The following PLCH1 variants were observed in gnomAD, a reference collection of about 807,000 sequenced individuals.
PLCH1 encodes the protein phospholipase C eta 1, also known as 1-phosphatidylinositol 4,5-bisphosphate phosphodiesterase eta-1.
A neutral mutation model predicts 126.7 loss-of-function variants in PLCH1; 60 were observed. The observed-to-expected ratio is 0.47, with a 90% CI of 0.38 to 0.59. PLCH1 has a LOEUF of 0.59. Ranked by LOEUF, PLCH1 falls within the 20% of genes least tolerant of loss-of-function variation. The probability of loss-of-function intolerance (pLI) is 0.00; values close to 1 mark genes in which losing one functional copy is unlikely to be tolerated. For missense variants in PLCH1, 1,723 were observed against 2,040.0 expected, an observed-to-expected ratio of 0.84 and a Z score of 2.99; for synonymous variants, 719 against 734.9, an observed-to-expected ratio of 0.98 and a Z score of 0.35.
chr3:155,613,741 G>A (rs770551170), intron 2 of PLCH1, among the ~76,000 whole-genome samples: 10 of 152,198 alleles, frequency 6.6e-5, no homozygotes, highest in South Asian at 6.2e-4. Flanking sequence ...AAACTGGAAC[G>A]AGACAAGGAT....
At chr3:155,557,148 A>C (rs1726925649) in intron 8 of PLCH1, among the ~76,000 whole-genome samples, 1 of 152,200 alleles carries the variant, frequency 6.6e-6, no homozygotes, top group Non-Finnish European at 1.5e-5. Context: ...ATATGTATCA[A>C]CAACATCTTC....
In PLCH1 at chr3:155,485,585, G is replaced by A. The variant is rs201399532; in HGVS notation, c.2745C>T (p.Ser915=). The A allele has an allele frequency of 3.4e-5, 55 of 1,613,826 alleles. No individual in the cohort carries two copies. The highest frequency in any genetic ancestry group is 1.3e-5 in the African/African-American group (1 of 75,022). Residue 915 remains serine, a synonymous_variant, in exon 22 of 23, where the codon AGC becomes AGT. Coordinates refer to ENST00000460012, the MANE Select transcript of PLCH1 (RefSeq NM_014996.4). The stretch of plus-strand genomic sequence containing the variant: ...TCTTTTTCCTGCCTTTGGCTGGGGC[G>A]CTAGCTGTGCGTCGCAGAATTCTAT... The part of the protein sequence containing the change: ...IGDRILRRTA[S]APAKGRKKSK...
intron 8 of PLCH1, among the ~76,000 whole-genome samples, chr3:155,555,500 A>G (rs2108474404): frequency 6.6e-6 from 1 of 152,348 alleles, no homozygotes; most frequent in Non-Finnish European, 1.5e-5. Context: ...AGGAACACCT[A>G]TTTTGAACTT....
intron 2 of PLCH1, among the ~76,000 whole-genome samples, chr3:155,652,516 C>A (rs1398370872): frequency 6.6e-6 from 1 of 152,110 alleles, no homozygotes; most frequent in East Asian, 1.9e-4. Context: ...TGAACACATT[C>A]GCATTTTATG....
At chr3:155,595,447 C>A (rs1732862446) in intron 3 of PLCH1, among the ~76,000 whole-genome samples, 1 of 152,200 alleles carries the variant, frequency 6.6e-6, no homozygotes, top group Non-Finnish European at 1.5e-5. Flanking sequence ...CCACATGACT[C>A]ACAGGGAAAT....
chr3:155,723,976 T>A (rs1018541518), intron 1 of PLCH1, among the ~76,000 whole-genome samples: 7 of 131,870 alleles, frequency 5.3e-5, no homozygotes, highest in Admixed American at 1.5e-4. Flanking sequence ...AAAAAAAAAA[T>A]TCCATCTTGA....
chr3:155,481,992 T>G lies in PLCH1; in HGVS notation c.4034A>C (p.Asn1345Thr). 3 of 1,614,148 alleles carry G rather than the reference T, an allele frequency of 1.9e-6. No homozygotes were observed. Among genetic ancestry groups the G allele is most frequent in the Non-Finnish European group, 2.5e-6 (3 of 1,180,012 alleles). ...TTCCACAAGGCTGCTCTCCCCAGAA[T>G]TGAAACAGAGAGTGGGATCAGCTAT... ...DVIADPTLCFNSGESSLVEID... is the reference protein window; with the variant it reads ...DVIADPTLCFTSGESSLVEID... Residue 1345 changes from asparagine (N) to threonine (T), a missense_variant, in exon 23 of 23, where the codon AAT becomes ACT. This residue lies in a region of PLCH1 where 947 missense variants were observed against 977.1 expected (regional missense o/e 0.97). Transcript: ENST00000460012. The surrounding 1 kb of genome is among the most constrained non-coding windows in gnomAD (Gnocchi z 4.2).
intron 15 of PLCH1, 53 bp from the exon 16 acceptor site, chr3:155,494,570 AC>A: frequency 7.3e-7 from 1 of 1,373,290 alleles, no homozygotes; most frequent in Non-Finnish European, 1.0e-6. Flanking sequence ...CAAAGAAAAC[AC>A]CACGCACAGA....
At chr3:155,634,296 C>T (rs888781648) in intron 2 of PLCH1, among the ~76,000 whole-genome samples, 1 of 152,200 alleles carries the variant, frequency 6.6e-6, no homozygotes, top group Non-Finnish European at 1.5e-5. Flanking sequence ...TACACCTGTG[C>T]CCTTAGAAAA....
In PLCH1 at chr3:155,646,411, C is replaced by T. The variant is rs56212408; in HGVS notation, c.80-50033G>A. On this transcript the variant is annotated intron_variant, in intron 2 of 22. Coordinates refer to ENST00000460012, the MANE Select transcript of PLCH1 (RefSeq NM_014996.4). ...ACTTCTGAAATGACATCCGGAACAG[C>T]GACCAGCTAGTGTCACAGTTCTGTC... Among the ~76,000 whole-genome samples the T allele has an allele frequency of 3.7e-3, 563 of 152,254 alleles. 6 individuals carry two copies. The highest frequency in any genetic ancestry group is 0.025 in the South Asian group (120 of 4,822).
At chr3:155,723,826 T>G (rs1748124454) in intron 1 of PLCH1, among the ~76,000 whole-genome samples, 2 of 151,754 alleles carry the variant, frequency 1.3e-5, no homozygotes, top group Non-Finnish European at 2.9e-5. Context: ...TGGTCACAGG[T>G]GCCTGTAATC....
At chr3:155,471,259 A>C (rs1713215137) in intron 21 of PLCH1, among the ~76,000 whole-genome samples, 1 of 152,176 alleles carries the variant, frequency 6.6e-6, no homozygotes. Context: ...AAAACAAAAA[A>C]AGGCAGGGGT....
At chr3:155,610,357 G>A (rs1448431257) in intron 2 of PLCH1, among the ~76,000 whole-genome samples, 16 of 99,444 alleles carry the variant, frequency 1.6e-4, no homozygotes, top group East Asian at 6.2e-4. Context: ...GCAAAACTGC[G>A]TCTGGAGAAA....
chr3:155,679,148 C>G (rs1374198432), intron 2 of PLCH1, among the ~76,000 whole-genome samples: 1 of 152,174 alleles, frequency 6.6e-6, no homozygotes, highest in South Asian at 2.1e-4. Context: ...AAACAAGACA[C>G]CCAGTTAAAT....
intron 15 of PLCH1, 148 bp downstream of exon 15, chr3:155,497,172 G>A: frequency 1.7e-6 from 1 of 591,944 alleles, no homozygotes; most frequent in Non-Finnish European, 3.0e-6. Flanking sequence ...CACTATAGCA[G>A]CAGTGAGTTT....
chr3:155,594,106 T>G lies in PLCH1; in HGVS notation c.305A>C (p.Asp102Ala). 6.2e-7 allele frequency: 1 copy of G among 1,613,896 alleles called. No homozygotes were observed. The highest frequency in any genetic ancestry group is 8.5e-7 in the Non-Finnish European group (1 of 1,179,958). Residue 102 changes from aspartate to alanine, a missense_variant, in exon 4 of 23, where the codon GAC becomes GCC. Asp to Ala is a moderately radical substitution (Grantham distance 126). Around this residue, in one of 2 missense-constraint regions of PLCH1, gnomAD observed 776 missense variants for 1,062.9 expected, o/e 0.73. Coordinates refer to ENST00000460012, the MANE Select transcript of PLCH1 (RefSeq NM_014996.4). The part of the protein sequence containing the change: ...IFHRQAEGNF[D>A]PSCCFTIYHG... ...GTAGATGGTGAAGCAGCAGCTGGGG[T>G]CGAAGTTCCCCTCAGCTTGTCTGTG...
intron 2 of PLCH1, among the ~76,000 whole-genome samples, chr3:155,635,945 A>G (rs566821931): frequency 6.6e-6 from 1 of 152,368 alleles, no homozygotes; most frequent in South Asian, 2.1e-4. Context: ...TTATTTAGCA[A>G]TTGAATAATT....
At chr3:155,691,115 A>G (rs908484319) in intron 2 of PLCH1, among the ~76,000 whole-genome samples, 2 of 152,228 alleles carry the variant, frequency 1.3e-5, no homozygotes, top group South Asian at 4.1e-4. Flanking sequence ...AAGTTTGTGT[A>G]ATGCATTGCT....
intron 12 of PLCH1, 22 bp from the exon 13 acceptor site, chr3:155,504,648 A>G: frequency 4.8e-6 from 7 of 1,459,826 alleles, no homozygotes; most frequent in Non-Finnish European, 6.7e-6. Context: ...AAGGCATAAT[A>G]TAACTATTTA....
Sources: allele counts gnomAD v4.1 joint callset (sites outside exome capture counted in the v4.1 genomes callset), GRCh38; gene constraint gnomAD v4.1.1; regional missense constraint gnomAD v4.1.1; non-coding constraint Gnocchi (gnomAD v3.1); transcripts MANE v1.5; gene names NCBI Gene and HGNC (gene_info 2026-07-23, HGNC 2026-07-21).